Variants in SYTL2 observed in about 807,000 individuals in gnomAD.
SYTL2 encodes the protein synaptotagmin-like protein 2.
Under a neutral mutation model 198.7 loss-of-function variants are expected in SYTL2, and 165 were observed. The ratio of observed to expected loss-of-function variants is 0.83; its 90% CI spans 0.73 to 0.94. The LOEUF (loss-of-function observed/expected upper bound fraction) is 0.94, where lower values mean the gene tolerates loss of function less well. Ranked by LOEUF, SYTL2 falls within the 40% of genes least tolerant of loss-of-function variation. The probability of loss-of-function intolerance (pLI) is 0.00; values close to 1 mark genes in which losing one functional copy is unlikely to be tolerated. For synonymous variants in SYTL2, 966 were observed against 917.7 expected, an observed-to-expected ratio of 1.05 and a Z score of -0.95; for missense variants, 2,835 against 2,582.8, an observed-to-expected ratio of 1.10 and a Z score of -2.12.
rs201049611 is a variant in SYTL2, at chr11:85,795,932, C to T, written c.-390+15022G>A. Among the ~76,000 whole-genome samples the T allele has an allele frequency of 4.6e-5, 7 of 152,318 alleles. No homozygotes were observed. In the East Asian group the frequency reaches 9.7e-4, roughly 21 times the overall value. ...GTGACACACAAGCACAGAGCATACA[C>T]ATAAGCCATCATCACCAGGGGAATC... On this transcript the variant is annotated intron_variant, in intron 1 of 19. Transcript: ENST00000359152.
At chr11:85,796,330 A>T (rs2092803911) in intron 1 of SYTL2, among the ~76,000 whole-genome samples, 1 of 152,246 alleles carries the variant, frequency 6.6e-6, no homozygotes, top group Admixed American at 6.5e-5. Context: ...CTGACACACC[A>T]TAGAAACTTA....
At chr11:85,723,361 T>C (rs952255727) in intron 8 of SYTL2, among the ~76,000 whole-genome samples, 2 of 152,086 alleles carry the variant, frequency 1.3e-5, no homozygotes, top group Non-Finnish European at 2.9e-5. Flanking sequence ...AAAGGGAAGA[T>C]TGTGCATATA....
chr11:85,776,179 A>G (rs2092448175), intron 1 of SYTL2, among the ~76,000 whole-genome samples: 1 of 152,114 alleles, frequency 6.6e-6, no homozygotes, highest in Non-Finnish European at 1.5e-5. Context: ...TTCCTCTAGG[A>G]GTGGAAGCAG....
At chr11:85,843,842 T>C in the SYTL2 span, among the ~76,000 whole-genome samples, 1 of 152,114 alleles carries the variant, frequency 6.6e-6, no homozygotes, top group East Asian at 1.9e-4. Flanking sequence ...GATAAGGAAA[T>C]TGAGACACAG....
At chr11:85,707,146 G>C (rs2085310101) in intron 15 of SYTL2, among the ~76,000 whole-genome samples, 1 of 152,170 alleles carries the variant, frequency 6.6e-6, no homozygotes, top group Non-Finnish European at 1.5e-5. Context: ...CAGCCAAGCT[G>C]TGTGTTTTTA....
chr11:85,714,652 G>A (rs1464012054), intron 11 of SYTL2, 145 bp from the exon 12 acceptor site: 5 of 1,392,334 alleles, frequency 3.6e-6, no homozygotes, highest in Non-Finnish European at 1.9e-6. Flanking sequence ...ACATGCACAG[G>A]ATCATGAGAT....
the SYTL2 span, among the ~76,000 whole-genome samples, chr11:85,829,379 A>C: frequency 8.6e-5 from 13 of 152,046 alleles, no homozygotes; most frequent in African/African-American, 3.1e-4. Flanking sequence ...AAAGGACATG[A>C]TTTTGTTCTT....
At chr11:85,710,788 A>G (rs543434797) in intron 13 of SYTL2, among the ~76,000 whole-genome samples, 1 of 152,346 alleles carries the variant, frequency 6.6e-6, no homozygotes, top group African/African-American at 2.4e-5. Flanking sequence ...AGCATATCTG[A>G]TACAAGCAGA....
the SYTL2 span, among the ~76,000 whole-genome samples, chr11:85,827,652 ATC>A: frequency 2.0e-5 from 3 of 152,112 alleles, no homozygotes; most frequent in African/African-American, 7.2e-5. Context: ...AGTTCTGGGT[ATC>A]TGTCTCTTTT....
At chr11:85,767,189 C>T (rs984922112) in intron 1 of SYTL2, among the ~76,000 whole-genome samples, 16 of 152,136 alleles carry the variant, frequency 1.1e-4, no homozygotes, top group Non-Finnish European at 1.8e-4. Flanking sequence ...TAATTCTTTG[C>T]GTGGATGAGG....
chr11:85,706,101 T>C (rs78744552), intron 15 of SYTL2, among the ~76,000 whole-genome samples: 3,153 of 152,322 alleles, frequency 0.021, 112 homozygotes, highest in African/African-American at 0.072. Flanking sequence ...ATACTTTCTA[T>C]TCATCTGTCC....
Position 85,726,394 on chromosome 11 carries a change from A to C in SYTL2, c.2964T>G (p.Phe988Leu). 6.2e-7 allele frequency: 1 copy of C among 1,613,380 alleles called. No homozygotes were observed. The highest frequency in any genetic ancestry group is 1.1e-5 in the South Asian group (1 of 90,840). Residue 988 changes from phenylalanine (F) to leucine (L), a missense_variant, in exon 8 of 20, where the codon TTT becomes TTG. Phe to Leu is a conservative substitution (Grantham distance 22). Transcript: ENST00000359152. ...TGTTTGAATTAGCTTCTAAGTCCCA[A>C]AACTTTCTCAAATTCTCAAACTGAG... is the stretch of plus-strand genomic sequence containing the variant. ...NPSQFENLRK[F>L]WDLEANSNSK...
chr11:85,850,559 C>T, the SYTL2 span, among the ~76,000 whole-genome samples: 3 of 151,336 alleles, frequency 2.0e-5, no homozygotes, highest in South Asian at 4.2e-4. Context: ...GAAATAGGAA[C>T]ACTTTTACAC....
At chr11:85,809,652 T>C (rs1210651726) in intron 1 of SYTL2, among the ~76,000 whole-genome samples, 1 of 152,164 alleles carries the variant, frequency 6.6e-6, no homozygotes, top group Non-Finnish European at 1.5e-5. Context: ...ACCTATAAAA[T>C]AGGGTATAGT....
At chr11:85,722,377 T>G (rs555235610) in intron 8 of SYTL2, among the ~76,000 whole-genome samples, 6 of 152,050 alleles carry the variant, frequency 3.9e-5, no homozygotes, top group Non-Finnish European at 7.4e-5. Flanking sequence ...GGTTTCACCA[T>G]GTTAGCCAGG....
At chr11:85,834,099 C>G in the SYTL2 span, among the ~76,000 whole-genome samples, 1 of 151,442 alleles carries the variant, frequency 6.6e-6, no homozygotes, top group Admixed American at 6.6e-5. Context: ...AATTAAAACA[C>G]AAGGAAACAA....
At chr11:85,722,113 G>C (rs573766) in intron 8 of SYTL2, among the ~76,000 whole-genome samples, 2 of 150,564 alleles carry the variant, frequency 1.3e-5, no homozygotes, top group African/African-American at 4.9e-5. Context: ...TATACCATTT[G>C]ATACTTCTTA....
At chr11:85,722,694 TATTA>T (rs1457205852) in intron 8 of SYTL2, among the ~76,000 whole-genome samples, 5 of 151,828 alleles carry the variant, frequency 3.3e-5, no homozygotes, top group African/African-American at 1.2e-4. Context: ...ATTAATTAAT[TATTA>T]ATTAATTAAA....
At chr11:85,807,651 T>C (rs2092976078) in intron 1 of SYTL2, among the ~76,000 whole-genome samples, 1 of 152,196 alleles carries the variant, frequency 6.6e-6, no homozygotes, top group Non-Finnish European at 1.5e-5. Flanking sequence ...TGCAAATTAG[T>C]TTTTTAATTT....
Sources: allele counts gnomAD v4.1 joint callset (sites outside exome capture counted in the v4.1 genomes callset), GRCh38; gene constraint gnomAD v4.1.1; transcripts MANE v1.5; gene names NCBI Gene and HGNC (gene_info 2026-07-23, HGNC 2026-07-21).